STX8: variants seen among roughly 807,000 people sequenced by gnomAD.
STX8 encodes the protein syntaxin 8, also known as syntaxin-8.
STX8 carries 23 observed loss-of-function variants against 37.5 expected under a neutral mutation model. The ratio of observed to expected loss-of-function variants is 0.61; its 90% CI spans 0.44 to 0.87. The LOEUF is 0.87. Among genes scored for constraint, STX8 ranks in the 40% least tolerant of loss-of-function variants. The pLI, the probability that STX8 is intolerant of heterozygous loss-of-function variation, is 0.00. For missense variants in STX8, 313 were observed against 284.7 expected (o/e 1.10, Z -0.71); for synonymous variants, 115 against 99.1 (o/e 1.16, Z -0.95).
intron 7 of STX8, among the ~76,000 whole-genome samples, chr17:9,260,549 G>A (rs566771167): frequency 1.4e-4 from 22 of 151,902 alleles, no homozygotes; most frequent in African/African-American, 2.2e-4. Context: ...GCTTCAACTC[G>A]GGAGGCGGAG....
chr17:9,429,980 G>T (rs752834898), intron 6 of STX8, among the ~76,000 whole-genome samples: 33 of 284 alleles, frequency 0.12, no homozygotes, highest in South Asian at 0.21. Context: ...ATATTATATA[G>T]AATATATTAT....
At chr17:9,571,091 A>G (rs1409160075) in intron 1 of STX8, among the ~76,000 whole-genome samples, 2 of 152,200 alleles carry the variant, frequency 1.3e-5, no homozygotes, top group Non-Finnish European at 2.9e-5. Flanking sequence ...GGTTAGACTT[A>G]AAGGAGAATT....
At chr17:9,518,868 C>CAAAAAAAAAA (rs58589067) in intron 4 of STX8, among the ~76,000 whole-genome samples, 1 of 100,000 alleles carries the variant, frequency 1.0e-5, no homozygotes. Flanking sequence ...GACTCCGTCT[C>CAAAAAAAAAA]AAAAAAAAAA....
At chr17:9,491,996 T>A (rs1450160686) in intron 5 of STX8, 75 bp from the exon 6 acceptor site, 10 of 1,001,926 alleles carry the variant, frequency 1.0e-5, no homozygotes, top group Non-Finnish European at 8.8e-6. Flanking sequence ...TACCCAGGCA[T>A]ATAACACAAG....
At chr17:9,416,369 GTTTAA>G (rs1913193786) in intron 6 of STX8, among the ~76,000 whole-genome samples, 2 of 148,708 alleles carry the variant, frequency 1.3e-5, no homozygotes, top group East Asian at 3.9e-4. Flanking sequence ...TTAGTTTGTA[GTTTAA>G]TTTTTTTTTT....
At chr17:9,517,481 T>C (rs1440605446) in intron 4 of STX8, among the ~76,000 whole-genome samples, 5 of 152,156 alleles carry the variant, frequency 3.3e-5, no homozygotes, top group Non-Finnish European at 7.4e-5. Context: ...CATTATCTCA[T>C]GTGAATCGCA....
At chr17:9,268,693 A>T (rs1327821345) in intron 7 of STX8, among the ~76,000 whole-genome samples, 1 of 152,120 alleles carries the variant, frequency 6.6e-6, no homozygotes, top group Non-Finnish European at 1.5e-5. Flanking sequence ...CCTAAGTAAA[A>T]ACTCAGAGCC....
intron 4 of STX8, among the ~76,000 whole-genome samples, chr17:9,525,351 C>CTT (rs35824131): frequency 3.5e-5 from 5 of 143,740 alleles, no homozygotes; most frequent in Middle Eastern, 3.6e-3. Flanking sequence ...TTTCTCTTTT[C>CTT]TTTTTTTTTT....
intron 7 of STX8, among the ~76,000 whole-genome samples, chr17:9,276,699 G>A (rs528809029): frequency 4.9e-5 from 7 of 141,678 alleles, no homozygotes; most frequent in South Asian, 2.3e-4. Context: ...GCAGTGGCAC[G>A]ATCTCAGCTC....
chr17:9,488,199 G>A (rs1341731165), intron 6 of STX8, among the ~76,000 whole-genome samples: 5 of 152,034 alleles, frequency 3.3e-5, no homozygotes, highest in African/African-American at 4.8e-5. Flanking sequence ...GGTGGCAGGC[G>A]CCTGTAATCC....
At chr17:9,433,441 G>T (rs1027364773) in intron 6 of STX8, among the ~76,000 whole-genome samples, 2 of 151,990 alleles carry the variant, frequency 1.3e-5, no homozygotes, top group Non-Finnish European at 2.9e-5. Context: ...CAATCTCTTC[G>T]GCCCACAATA....
intron 7 of STX8, among the ~76,000 whole-genome samples, chr17:9,318,667 T>C (rs1909467841): frequency 6.6e-6 from 1 of 152,150 alleles, no homozygotes; most frequent in Non-Finnish European, 1.5e-5. Flanking sequence ...GATCAGACAT[T>C]AAAGCTCCGA....
chr17:9,329,764 G>A (rs552610236), intron 7 of STX8, among the ~76,000 whole-genome samples: 1 of 152,344 alleles, frequency 6.6e-6, no homozygotes, highest in East Asian at 1.9e-4. Context: ...AATGGCAACT[G>A]GACAGAGTTG....
intron 6 of STX8, among the ~76,000 whole-genome samples, chr17:9,456,344 G>A (rs1905187525): frequency 6.6e-6 from 1 of 152,188 alleles, no homozygotes; most frequent in Admixed American, 6.5e-5. Context: ...TTGAAACCCA[G>A]AGGCAGTGAA....
Position 9,510,595 on chromosome 17 carries a change from C to T in STX8, c.324-5433G>A, listed in dbSNP as rs553957075. ...AAATGAAAATAGAGGCACAACATACCGAAACCTATGGGACACAGCAAAAGT... is the reference window on the plus strand; with the variant it reads ...AAATGAAAATAGAGGCACAACATACTGAAACCTATGGGACACAGCAAAAGT... On this transcript the variant is annotated intron_variant, in intron 4 of 7. Coordinates refer to ENST00000306357, the MANE Select transcript of STX8 (RefSeq NM_004853.3). 5.3e-5 allele frequency among the ~76,000 whole-genome samples: 8 copies of T among 152,000 alleles called. No individual in the cohort carries two copies. The South Asian group carries it at 1.0e-3, about 20-fold the overall frequency.
At position 9,250,662 on chromosome 17, in the gene STX8, G is replaced by C. The variant is rs1567754222; in HGVS notation, c.644-17C>G. ...TGATCATCCCTGGAAAAAAGCAGCA[G>C]AAAATACTACTTTTAATGATTCCTA... On this transcript the variant is annotated splice_polypyrimidine_tract_variant and intron_variant, in intron 7 of 7. Coordinates refer to ENST00000306357, the MANE Select transcript of STX8 (RefSeq NM_004853.3). 1.3e-6 allele frequency: 2 copies of C among 1,581,532 alleles called. No individual in the cohort carries two copies. Among genetic ancestry groups the C allele is most frequent in the Non-Finnish European group, 1.7e-6 (2 of 1,162,626 alleles).
chr17:9,509,954 A>G (rs1904970497), intron 4 of STX8, among the ~76,000 whole-genome samples: 1 of 152,208 alleles, frequency 6.6e-6, no homozygotes, highest in Admixed American at 6.5e-5. Flanking sequence ...CTACGCAAAC[A>G]AAAACCAAAA....
At chr17:9,333,886 C>T (rs541893472) in intron 7 of STX8, among the ~76,000 whole-genome samples, 8 of 152,280 alleles carry the variant, frequency 5.3e-5, no homozygotes, top group East Asian at 1.9e-4. Flanking sequence ...TTACCTGCTG[C>T]CTAGACAGAG....
intron 7 of STX8, among the ~76,000 whole-genome samples, chr17:9,310,809 A>C (rs1909165592): frequency 1.3e-5 from 2 of 152,222 alleles, no homozygotes; most frequent in South Asian, 4.1e-4. Context: ...TGATTTTGGA[A>C]CCCAAAGTCT....
Sources: allele counts gnomAD v4.1 joint callset (sites outside exome capture counted in the v4.1 genomes callset), GRCh38; gene constraint gnomAD v4.1.1; transcripts MANE v1.5; gene names NCBI Gene and HGNC (gene_info 2026-07-23, HGNC 2026-07-21).